The following LOXHD1 variants were observed in gnomAD, a reference collection of about 807,000 sequenced individuals.
The protein encoded by LOXHD1 is lipoxygenase homology PLAT domains 1.
LOXHD1 carries 205 observed loss-of-function variants against 248.2 expected under a neutral mutation model. That is an observed-to-expected ratio of 0.83 (90% CI 0.74 to 0.93). The LOEUF (loss-of-function observed/expected upper bound fraction) is 0.93. Ranked by LOEUF, LOXHD1 falls within the 40% of genes least tolerant of loss-of-function variation. LOXHD1 has a pLI of 0.00. For missense variants in LOXHD1, 2,930 were observed against 2,971.6 expected, an observed-to-expected ratio of 0.99 and a Z score of 0.33; for synonymous variants, 1,113 against 1,162.8, an observed-to-expected ratio of 0.96 and a Z score of 0.87.
Position 46,542,847 on chromosome 18 carries a change from G to A in LOXHD1, c.3628C>T (p.Leu1210Phe), listed in dbSNP as rs1030010520. Reference sequence around the variant, plus strand: ...CTGTTTGTCTTGGAGGACTTCAGGAGGGTCATTCCTGTGGATCAGATGACC... The same window carrying A: ...CTGTTTGTCTTGGAGGACTTCAGGAAGGTCATTCCTGTGGATCAGATGACC... ...FGTQDDTGMT[L>F]LKSSKTNSDK... is the part of the protein sequence containing the mutation. Residue 1210 changes from leucine (L) to phenylalanine (F), a missense_variant, in exon 24 of 41, where the codon CTC (leucine) becomes TTC (phenylalanine). Transcript: ENST00000642948. 4 of 1,551,644 alleles carry A rather than the reference G, an allele frequency of 2.6e-6. No individual in the cohort carries two copies. Among genetic ancestry groups the A allele is most frequent in the East Asian group, 2.4e-5 (1 of 40,908 alleles).
At chr18:46,632,888 AACCATT>A (rs1274903146) in intron 4 of LOXHD1, among the ~76,000 whole-genome samples, 1 of 152,120 alleles carries the variant, frequency 6.6e-6, no homozygotes, top group African/African-American at 2.4e-5. Context: ...TGTCTGACTG[AACCATT>A]CCATTGACAG....
chr18:46,610,741 G>A (rs750061615), intron 6 of LOXHD1, 35 bp downstream of exon 6: 37 of 1,518,544 alleles, frequency 2.4e-5, no homozygotes, highest in Non-Finnish European at 3.1e-5. Context: ...CCCCTTCCAA[G>A]GCCACAGGGA....
At chr18:46,627,218 T>C (rs2038754875) in intron 4 of LOXHD1, among the ~76,000 whole-genome samples, 1 of 152,172 alleles carries the variant, frequency 6.6e-6, no homozygotes, top group Admixed American at 6.5e-5. Context: ...CTTGAGCCAG[T>C]CTGAGTGGCT....
chr18:46,496,862 G>C (rs530184879), intron 37 of LOXHD1, among the ~76,000 whole-genome samples: 55 of 152,258 alleles, frequency 3.6e-4, no homozygotes, highest in African/African-American at 1.2e-3. Flanking sequence ...AATTAGCCGG[G>C]TGTGGTGGCA....
intron 33 of LOXHD1, 116 bp from the exon 34 acceptor site, chr18:46,518,372 G>T: frequency 7.8e-7 from 1 of 1,280,748 alleles, no homozygotes; most frequent in Non-Finnish European, 1.1e-6. Context: ...GCTCTGGAAA[G>T]AGCCCTTCCT....
At chr18:46,478,396 C>G (rs514774) in intron 40 of LOXHD1, among the ~76,000 whole-genome samples, 2 of 152,116 alleles carry the variant, frequency 1.3e-5, no homozygotes, top group Non-Finnish European at 2.9e-5. Context: ...TGAAAACTGT[C>G]TAGTATCTAT....
chr18:46,477,644 C>T lies in LOXHD1; in HGVS notation c.6650G>A (p.Arg2217His), dbSNP rs955408829. Reference protein sequence around the residue: ...FLETLELGELRKVRLEHDSSG... With the variant: ...FLETLELGELHKVRLEHDSSG... ...GCTGTCGTGCTCCAGGCGCACCTTG[C>T]GCAGCTCACCCAGCTCCAGCGTCTC... Residue 2217 changes from arginine to histidine, a missense_variant, in exon 41 of 41, where the codon CGC (arginine) becomes CAC (histidine). Arg to His is a conservative substitution (Grantham distance 29). Coordinates refer to ENST00000642948, the MANE Select transcript of LOXHD1 (RefSeq NM_001384474.1). 1.2e-5 allele frequency: 19 copies of T among 1,551,672 alleles called. No homozygotes were observed. The highest frequency in any genetic ancestry group is 2.7e-5 in the African/African-American group (2 of 73,068).
chr18:46,534,895 G>A (rs542929390), intron 26 of LOXHD1, among the ~76,000 whole-genome samples: 4 of 152,158 alleles, frequency 2.6e-5, no homozygotes, highest in Non-Finnish European at 4.4e-5. Flanking sequence ...CCTTTTCTGT[G>A]CTCCCACATA....
At chr18:46,581,705 A>C (rs950735328) in intron 12 of LOXHD1, among the ~76,000 whole-genome samples, 8 of 122,124 alleles carry the variant, frequency 6.6e-5, no homozygotes, top group African/African-American at 2.5e-4. Flanking sequence ...ATGTTCAACA[A>C]ACTCCAAATT....
intron 19 of LOXHD1, 117 bp downstream of exon 19, chr18:46,559,966 G>T: frequency 9.4e-7 from 1 of 1,065,536 alleles, no homozygotes; most frequent in Non-Finnish European, 1.4e-6. Context: ...CATGATGGGT[G>T]CCCACCTATT....
intron 1 of LOXHD1, among the ~76,000 whole-genome samples, chr18:46,654,440 C>T (rs2039153548): frequency 1.3e-5 from 2 of 152,168 alleles, no homozygotes; most frequent in African/African-American, 2.4e-5. Context: ...CCTCTGAGGC[C>T]CCCTTCTACT....
At chr18:46,600,189 T>C (rs536276554) in intron 8 of LOXHD1, among the ~76,000 whole-genome samples, 3 of 152,326 alleles carry the variant, frequency 2.0e-5, no homozygotes, top group Admixed American at 1.3e-4. Flanking sequence ...GACAGAAGAA[T>C]GGACAAATAA....
Position 46,649,073 on chromosome 18 carries a change from G to A in LOXHD1, c.245+82C>T. 4.3e-6 allele frequency: 5 copies of A among 1,164,314 alleles called. No individual in the cohort carries two copies. The South Asian group carries it at 6.6e-5, about 15-fold the overall frequency. The allele number at this position is 1,164,314 out of a possible 1,614,324, so 72.1% of individuals were successfully genotyped here. On this transcript the variant is annotated intron_variant, in intron 2 of 40. Coordinates refer to ENST00000642948, the MANE Select transcript of LOXHD1 (RefSeq NM_001384474.1). ...TGGTCAGATGTGCCTTCTCCCCAGA[G>A]AAGCAGGCCACCCTTGGGTCCCAGA... is the stretch of plus-strand genomic sequence containing the variant.
In LOXHD1 at chr18:46,610,811, T is replaced by C; in HGVS notation, c.724A>G (p.Asn242Asp). ...QLMKINVGHN[N>D]KGGSAGWFLS... is the part of the protein sequence containing the mutation. The stretch of plus-strand genomic sequence containing the variant: ...AACCAACCTGCAGAGCCCCCCTTAT[T>C]GTTGTGGCCAACATTGATCTTCATC... The change falls in exon 6 of 41, where the codon AAT becomes GAT. Residue 242 changes from asparagine (N) to aspartate (D), a missense_variant. Coordinates refer to ENST00000642948, the MANE Select transcript of LOXHD1 (RefSeq NM_001384474.1). The C allele has an allele frequency of 6.4e-7, 1 of 1,551,664 alleles. No individual in the cohort carries two copies. Among genetic ancestry groups the C allele is most frequent in the Non-Finnish European group, 8.7e-7 (1 of 1,146,978 alleles).
chr18:46,560,048 T>TGGCTGCCCCC, intron 19 of LOXHD1, 35 bp downstream of exon 19: 1 of 1,226,298 alleles, frequency 8.2e-7, no homozygotes, highest in Non-Finnish European at 1.1e-6. Flanking sequence ...GTCTGGCCAC[T>TGGCTGCCCCC]CCCTCCCCAC....
intron 4 of LOXHD1, among the ~76,000 whole-genome samples, chr18:46,634,623 A>G (rs2038869372): frequency 6.6e-6 from 1 of 152,178 alleles, no homozygotes; most frequent in Non-Finnish European, 1.5e-5. Context: ...AAAATATCTC[A>G]GTAGGCCTAT....
At chr18:46,637,501 T>C (rs1490642943) in intron 4 of LOXHD1, among the ~76,000 whole-genome samples, 4 of 152,282 alleles carry the variant, frequency 2.6e-5, no homozygotes, top group East Asian at 1.9e-4. Flanking sequence ...TTGATCATAG[T>C]AGAGGTTGGA....
chr18:46,639,783 G>C lies in LOXHD1; in HGVS notation c.344C>G (p.Thr115Arg). 1 of 1,551,708 alleles carries C rather than the reference G, an allele frequency of 6.4e-7. No homozygotes were observed. Among genetic ancestry groups the C allele is most frequent in the Non-Finnish European group, 8.7e-7 (1 of 1,147,000 alleles). ...CAGGTACCAGCTGGCATTCAAGCCC[G>C]TGTTGTCATGCTCAATCCTGAGGCA... is the stretch of plus-strand genomic sequence containing the variant. The part of the protein sequence containing the change: ...IYKVRIEHDN[T>R]GLNASWYLDH... Residue 115 changes from threonine to arginine, a missense_variant, in exon 4 of 41, where the codon ACG (threonine) becomes AGG (arginine). Transcript: ENST00000642948.
At chr18:46,577,969 G>A in intron 13 of LOXHD1, 102 bp from the exon 14 acceptor site, 1 of 1,277,100 alleles carries the variant, frequency 7.8e-7, no homozygotes, top group Non-Finnish European at 1.1e-6. Flanking sequence ...CAGAGCTGAT[G>A]GGTTAGGCAA....
Sources: gnomAD v4.1 joint callset for allele counts (sites outside exome capture counted in the v4.1 genomes callset) on GRCh38, gnomAD v4.1.1 for gene constraint, MANE v1.5 for transcripts, NCBI Gene and HGNC (gene_info 2026-07-23, HGNC 2026-07-21) for gene names.